The following NCKAP5 variants were observed in gnomAD, a reference collection of about 807,000 sequenced individuals.
NCKAP5 encodes nck-associated protein 5.
A neutral mutation model predicts 167.0 loss-of-function variants in NCKAP5; 92 were observed. That is an observed-to-expected ratio of 0.55 (90% CI 0.47 to 0.66). The LOEUF (loss-of-function observed/expected upper bound fraction) is 0.66. Among genes scored for constraint, NCKAP5 ranks in the 30% least tolerant of loss-of-function variants. The pLI is 0.00. For synonymous variants in NCKAP5, 891 were observed against 877.4 expected (o/e 1.02, Z -0.27); for missense variants, 2,378 against 2,315.0 (o/e 1.03, Z -0.56).
intron 8 of NCKAP5, among the ~76,000 whole-genome samples, chr2:132,961,101 A>C (rs1397563829): frequency 2.0e-5 from 3 of 152,124 alleles, no homozygotes; most frequent in Non-Finnish European, 4.4e-5. Flanking sequence ...CCAGGGGAGC[A>C]TTTCATTAAA....
intron 3 of NCKAP5, among the ~76,000 whole-genome samples, chr2:133,319,487 C>T (rs1016022118): frequency 2.0e-5 from 3 of 151,894 alleles, no homozygotes; most frequent in South Asian, 4.2e-4. Context: ...CCTCTCAAAG[C>T]GTTATGCAGC....
chr2:133,584,097 T>C, the NCKAP5 span, among the ~76,000 whole-genome samples: 1 of 152,238 alleles, frequency 6.6e-6, no homozygotes, highest in African/African-American at 2.4e-5. Flanking sequence ...ATATTTTCCA[T>C]AATAAATATG....
At chr2:132,890,619 A>C (rs1394187486) in intron 8 of NCKAP5, among the ~76,000 whole-genome samples, 2 of 152,160 alleles carry the variant, frequency 1.3e-5, no homozygotes, top group South Asian at 2.1e-4. Context: ...GAGTGATATA[A>C]AGTCTGAATA....
At chr2:133,209,611 G>A (rs2086116074) in intron 5 of NCKAP5, among the ~76,000 whole-genome samples, 1 of 151,672 alleles carries the variant, frequency 6.6e-6, no homozygotes, top group Non-Finnish European at 1.5e-5. Flanking sequence ...TTAAAAAGAA[G>A]TCATCTTCTT....
chr2:132,989,136 C>T (rs1029416982), intron 7 of NCKAP5, among the ~76,000 whole-genome samples: 4 of 152,310 alleles, frequency 2.6e-5, no homozygotes, highest in East Asian at 1.9e-4. Flanking sequence ...TATGGACATA[C>T]GAGCCCTGTA....
intron 6 of NCKAP5, among the ~76,000 whole-genome samples, chr2:133,002,261 G>T (rs1289176212): frequency 1.3e-5 from 2 of 152,086 alleles, no homozygotes; most frequent in Admixed American, 1.3e-4. Flanking sequence ...TAAAACCCTG[G>T]ATACTACAAA....
intron 5 of NCKAP5, among the ~76,000 whole-genome samples, chr2:133,172,172 T>G (rs765665881): frequency 5.9e-5 from 9 of 152,172 alleles, no homozygotes; most frequent in Non-Finnish European, 1.3e-4. Context: ...TATCTATACT[T>G]AAATAAATTC....
intron 8 of NCKAP5, among the ~76,000 whole-genome samples, chr2:132,959,728 T>A (rs1573553555): frequency 6.6e-6 from 1 of 152,168 alleles, no homozygotes; most frequent in East Asian, 1.9e-4. Context: ...CTTGAATCAG[T>A]GGCTTCTGGT....
At chr2:133,303,211 T>C in intron 3 of NCKAP5, 101 bp from the exon 4 acceptor site, 1 of 730,312 alleles carries the variant, frequency 1.4e-6, no homozygotes, top group Middle Eastern at 2.3e-4. Context: ...GACAACATTA[T>C]CCCTACTTCC....
intron 11 of NCKAP5, among the ~76,000 whole-genome samples, chr2:132,841,026 A>G (rs546599568): frequency 6.6e-6 from 1 of 152,166 alleles, no homozygotes; most frequent in Non-Finnish European, 1.5e-5. Flanking sequence ...TTTGTCATAT[A>G]TTAGATTTTC....
At chr2:133,373,146 G>A (rs1368781395) in intron 3 of NCKAP5, among the ~76,000 whole-genome samples, 3 of 152,174 alleles carry the variant, frequency 2.0e-5, no homozygotes, top group Non-Finnish European at 4.4e-5. Context: ...TACAACTTCT[G>A]CCTACCGGGT....
intron 5 of NCKAP5, among the ~76,000 whole-genome samples, chr2:133,141,864 T>C (rs113194383): frequency 1.8e-3 from 271 of 152,296 alleles, no homozygotes; most frequent in Non-Finnish European, 3.1e-3. Flanking sequence ...GCAGCTTCCC[T>C]TATCCTTGTT....
At chr2:133,601,584 T>C in the NCKAP5 span, among the ~76,000 whole-genome samples, 2 of 151,994 alleles carry the variant, frequency 1.3e-5, no homozygotes. Flanking sequence ...AATAAAAAAA[T>C]TAGCCAGTCA....
rs558949156 is a variant in NCKAP5 at position 133,056,163 on chromosome 2, T to A, written c.342-61924A>T. Among the ~76,000 whole-genome samples, 9 of 152,300 alleles carry A rather than the reference T, an allele frequency of 5.9e-5. 1 individual carries two copies. The South Asian group carries it at 1.9e-3, about 32-fold the overall frequency. On this transcript the variant is annotated intron_variant, in intron 6 of 19. Coordinates refer to ENST00000409261, the MANE Select transcript of NCKAP5 (RefSeq NM_207363.3). ...TTCTCGATGACCTGCTCAACTGAAA[T>A]GCTTGTTTCTTTTATGCCTATCCAG...
chr2:132,800,059 T>C (rs1684908218), intron 11 of NCKAP5, among the ~76,000 whole-genome samples: 1 of 152,218 alleles, frequency 6.6e-6, no homozygotes, highest in South Asian at 2.1e-4. Flanking sequence ...ATACATAATA[T>C]ACAGGCATGT....
Position 133,240,124 on chromosome 2 carries a change from G to A in NCKAP5, c.144-26345C>T, listed in dbSNP as rs148236615. On this transcript the variant is annotated intron_variant, in intron 4 of 19. Transcript: ENST00000409261. ...AACACTGTCTAGAGTTGCGCATTCCGGAGTTACGAACTTAGCCACCATGCA... is the reference window on the plus strand; with the variant it reads ...AACACTGTCTAGAGTTGCGCATTCCAGAGTTACGAACTTAGCCACCATGCA... Among the ~76,000 whole-genome samples, 465 of 152,130 alleles carry A rather than the reference G, an allele frequency of 3.1e-3. 2 individuals carry two copies. The highest frequency in any genetic ancestry group is 9.7e-3 in the African/African-American group (401 of 41,512).
At chr2:133,183,891 AC>A (rs1158372587) in intron 5 of NCKAP5, among the ~76,000 whole-genome samples, 1 of 152,210 alleles carries the variant, frequency 6.6e-6, no homozygotes, top group Non-Finnish European at 1.5e-5. Context: ...CAAGATTAGC[AC>A]CCAAAAATCT....
chr2:132,921,930 C>T (rs1249487344), intron 8 of NCKAP5, among the ~76,000 whole-genome samples: 3 of 152,168 alleles, frequency 2.0e-5, no homozygotes, highest in Non-Finnish European at 4.4e-5. Context: ...GAGTCAATAT[C>T]AGGACTTTTG....
At chr2:133,660,001 A>T in the NCKAP5 span, among the ~76,000 whole-genome samples, 1 of 152,166 alleles carries the variant, frequency 6.6e-6, no homozygotes, top group Middle Eastern at 3.2e-3. Flanking sequence ...AGTATTGGAG[A>T]TAGCACGACC....
Sources: gnomAD v4.1 joint callset for allele counts (sites outside exome capture counted in the v4.1 genomes callset) on GRCh38, gnomAD v4.1.1 for gene constraint, MANE v1.5 for transcripts, NCBI Gene and HGNC (gene_info 2026-07-23, HGNC 2026-07-21) for gene names.